OPHN1: variants seen among roughly 807,000 people sequenced by gnomAD.
The protein encoded by OPHN1 is oligophrenin 1.
Under a neutral mutation model 60.7 loss-of-function variants are expected in OPHN1, and 11 were observed. The observed-to-expected ratio is 0.18, with a 90% CI of 0.11 to 0.30. The LOEUF (loss-of-function observed/expected upper bound fraction) is 0.30, where lower values mean the gene tolerates loss of function less well. Ranked by LOEUF, OPHN1 falls within the 10% of genes least tolerant of loss-of-function variation. The pLI is 1.00. For synonymous variants in OPHN1, 226 were observed against 222.6 expected (o/e 1.02, Z -0.14); for missense variants, 449 against 611.0 (o/e 0.73, Z 2.80).
At chrX:68,295,831 T>C (rs2078092197) in intron 3 of OPHN1, among the ~76,000 whole-genome samples, 1 of 112,280 alleles carries the variant, frequency 8.9e-6, no homozygotes, top group African/African-American at 3.2e-5. Context: ...ACAATGCTAC[T>C]GAGTGACCTT....
At chrX:68,375,340 T>C (rs2078551325) in intron 2 of OPHN1, among the ~76,000 whole-genome samples, 1 of 110,823 alleles carries the variant, frequency 9.0e-6, no homozygotes, top group Non-Finnish European at 1.9e-5. Flanking sequence ...ACAAAAATAT[T>C]TTAAAACTTA....
chrX:68,198,159 T>A (rs1237477778), intron 11 of OPHN1, among the ~76,000 whole-genome samples: 1 of 111,903 alleles, frequency 8.9e-6, no homozygotes, highest in Non-Finnish European at 1.9e-5. Context: ...TAACTACCAA[T>A]GTGATGATAT....
chrX:68,181,622 T>G (rs904304801), intron 15 of OPHN1, among the ~76,000 whole-genome samples: 1 of 110,635 alleles, frequency 9.0e-6, no homozygotes, highest in Non-Finnish European at 1.9e-5. Flanking sequence ...GTCAGGACTT[T>G]GAGACCAGCC....
intron 2 of OPHN1, among the ~76,000 whole-genome samples, chrX:68,372,488 C>G (rs2078534306): frequency 1.8e-5 from 2 of 111,440 alleles, no homozygotes; most frequent in South Asian, 7.6e-4. Flanking sequence ...GCCTCCCTGA[C>G]AGTTTCGGCA....
At chrX:68,355,987 T>C (rs775885763) in intron 2 of OPHN1, among the ~76,000 whole-genome samples, 2 of 109,820 alleles carry the variant, frequency 1.8e-5, no homozygotes, top group African/African-American at 6.6e-5. Context: ...GTGGTGGAGG[T>C]TGCAGTGGGC....
intron 2 of OPHN1, among the ~76,000 whole-genome samples, chrX:68,396,778 GCACTC>G (rs2078686942): frequency 9.0e-6 from 1 of 111,422 alleles, no homozygotes; most frequent in Admixed American, 9.6e-5. Flanking sequence ...TCACGCCACT[GCACTC>G]CAGCCTGGGC....
intron 18 of OPHN1, among the ~76,000 whole-genome samples, chrX:68,107,173 A>G (rs1175453973): frequency 8.9e-6 from 1 of 111,884 alleles, no homozygotes; most frequent in Non-Finnish European, 1.9e-5. Flanking sequence ...TCTAGTCCAT[A>G]TTCAAATTTT....
At chrX:68,301,932 C>T (rs894012527) in intron 2 of OPHN1, among the ~76,000 whole-genome samples, 2 of 112,349 alleles carry the variant, frequency 1.8e-5, no homozygotes, top group African/African-American at 6.5e-5. Context: ...AGTGTAGACA[C>T]CTGTTTTTCA....
intron 19 of OPHN1, among the ~76,000 whole-genome samples, chrX:68,087,415 C>T (rs1201704020): frequency 1.8e-5 from 2 of 111,904 alleles, no homozygotes; most frequent in African/African-American, 6.5e-5. Flanking sequence ...GAGACACTGC[C>T]AGGAGAGCGA....
rs778005302 is a variant in OPHN1, at chrX:68,333,365, G to A, written c.155-34269C>T. 4.5e-5 allele frequency among the ~76,000 whole-genome samples: 5 copies of A among 109,990 alleles called. No individual in the cohort carries two copies. In the East Asian group the frequency reaches 8.6e-4, roughly 19 times the overall value. On this transcript the variant is annotated intron_variant, in intron 2 of 24. Transcript: ENST00000355520. Reference sequence around the variant, plus strand: ...AGCACACACACATGCGGCCGGGCACGGTGGCTCACGCCTGTAATCCCAGCA... The same window carrying A: ...AGCACACACACATGCGGCCGGGCACAGTGGCTCACGCCTGTAATCCCAGCA...
At chrX:68,258,056 T>C (rs1040121478) in intron 5 of OPHN1, among the ~76,000 whole-genome samples, 3 of 109,685 alleles carry the variant, frequency 2.7e-5, no homozygotes, top group Non-Finnish European at 3.8e-5. Context: ...ACTTTGGTTA[T>C]AGACGGGAAG....
At chrX:68,126,500 A>G (rs1328975858) in intron 15 of OPHN1, among the ~76,000 whole-genome samples, 1 of 110,297 alleles carries the variant, frequency 9.1e-6, no homozygotes, top group African/African-American at 3.3e-5. Context: ...GCTGGAGTGC[A>G]GTGGCGCAAT....
At position 68,175,837 on chromosome X, in the gene OPHN1, G is replaced by A. The variant is rs140138606; in HGVS notation, c.1276+17082C>T. On this transcript the variant is annotated intron_variant, in intron 15 of 24. Transcript: ENST00000355520. The stretch of plus-strand genomic sequence containing the variant: ...ACATCTTGTCTTTGACAAAGCAATC[G>A]TACTCAAAACAATGTGGTACTGGCA... 1.1e-3 allele frequency among the ~76,000 whole-genome samples: 126 copies of A among 111,907 alleles called. No individual in the cohort carries two copies. The East Asian group carries it at 0.03, about 27-fold the overall frequency.
chrX:68,053,055 G>A (rs968977393), intron 22 of OPHN1, among the ~76,000 whole-genome samples: 4 of 111,664 alleles, frequency 3.6e-5, no homozygotes, highest in African/African-American at 1.3e-4. Flanking sequence ...AGGCAAGCGC[G>A]TTGTGGCCAA....
At chrX:68,303,040 A>G (rs746027951) in intron 2 of OPHN1, among the ~76,000 whole-genome samples, 2 of 112,254 alleles carry the variant, frequency 1.8e-5, no homozygotes, top group Non-Finnish European at 3.8e-5. Context: ...GGAAAACTAT[A>G]AAACACTGAA....
At chrX:68,051,976 G>C (rs1435756579) in intron 23 of OPHN1, among the ~76,000 whole-genome samples, 1 of 112,271 alleles carries the variant, frequency 8.9e-6, no homozygotes, top group East Asian at 2.8e-4. Context: ...AACACAGACA[G>C]ACAGAAAGAG....
At chrX:68,144,563 C>A (rs1251712490) in intron 15 of OPHN1, among the ~76,000 whole-genome samples, 4 of 111,599 alleles carry the variant, frequency 3.6e-5, no homozygotes, top group Non-Finnish European at 7.5e-5. Context: ...ACTTAGAAAT[C>A]AAATTATATT....
intron 2 of OPHN1, among the ~76,000 whole-genome samples, chrX:68,357,068 G>A (rs897274453): frequency 6.3e-5 from 7 of 111,047 alleles, no homozygotes; most frequent in Admixed American, 3.9e-4. Flanking sequence ...GGTGATGGTC[G>A]CAAAACTCTG....
chrX:68,269,948 C>T (rs1436670888), intron 5 of OPHN1, among the ~76,000 whole-genome samples: 1 of 111,920 alleles, frequency 8.9e-6, no homozygotes, highest in Admixed American at 9.5e-5. Flanking sequence ...AGATGCTTCT[C>T]AAAAGAAGAC....
Sources: allele counts gnomAD v4.1 joint callset (sites outside exome capture counted in the v4.1 genomes callset), GRCh38; gene constraint gnomAD v4.1.1; transcripts MANE v1.5; gene names NCBI Gene and HGNC (gene_info 2026-07-23, HGNC 2026-07-21).